The following CNTNAP5 variants were observed in gnomAD, a reference collection of about 807,000 sequenced individuals.
CNTNAP5 encodes contactin-associated protein-like 5.
A neutral mutation model predicts 150.2 loss-of-function variants in CNTNAP5; 72 were observed. That is an observed-to-expected ratio of 0.48 (90% CI 0.40 to 0.58). CNTNAP5 has a LOEUF of 0.58. CNTNAP5 is among the 20% of genes least tolerant of loss of function. The probability of loss-of-function intolerance (pLI) is 0.00; values close to 1 mark genes in which losing one functional copy is unlikely to be tolerated. For missense variants in CNTNAP5, 1,636 were observed against 1,626.2 expected (o/e 1.01, Z -0.10); for synonymous variants, 672 against 619.8 (o/e 1.08, Z -1.25).
chr2:124,567,854 T>TAGATAG lies in CNTNAP5; in HGVS notation c.1756+4533_1756+4538dup, dbSNP rs1553480420. 2.8e-3 allele frequency among the ~76,000 whole-genome samples: 331 copies of TAGATAG among 117,068 alleles called. No individual in the cohort carries two copies. The East Asian group carries it at 0.03, about 11-fold the overall frequency. 76.8% of individuals were successfully genotyped at this position (117,068 alleles called of 152,430 possible). ...CATAGATGATAGATAGATAGATAGATAGATAGATAGATAGATAGATAGATA... is the reference window on the plus strand; with the variant it reads ...CATAGATGATAGATAGATAGATAGATAGATAGAGATAGATAGATAGATAGATAGATA... On this transcript the variant is annotated intron_variant, in intron 11 of 23. Coordinates refer to ENST00000682447, the MANE Select transcript of CNTNAP5 (RefSeq NM_001367498.1).
chr2:124,475,019 C>T (rs1693606264), intron 7 of CNTNAP5, 137 bp downstream of exon 7: 2 of 643,634 alleles, frequency 3.1e-6, no homozygotes, highest in African/African-American at 1.9e-5. Context: ...TGACGTGACA[C>T]TGGAGAGAAA....
intron 1 of CNTNAP5, among the ~76,000 whole-genome samples, chr2:124,142,816 A>T (rs1684150772): frequency 6.6e-6 from 1 of 150,796 alleles, no homozygotes; most frequent in South Asian, 2.1e-4. Context: ...AAATAGAGAC[A>T]CAAAAAACCC....
intron 3 of CNTNAP5, among the ~76,000 whole-genome samples, chr2:124,304,626 T>C (rs1328021865): frequency 6.6e-6 from 1 of 152,128 alleles, no homozygotes; most frequent in Non-Finnish European, 1.5e-5. Flanking sequence ...GGCTACAATG[T>C]TGAGAGTCAA....
chr2:124,061,991 T>C (rs1362088661), intron 1 of CNTNAP5, among the ~76,000 whole-genome samples: 1 of 152,166 alleles, frequency 6.6e-6, no homozygotes, highest in Admixed American at 6.6e-5. Context: ...TTCTACACGC[T>C]GCTGGATATT....
intron 17 of CNTNAP5, among the ~76,000 whole-genome samples, chr2:124,785,985 C>T (rs564865524): frequency 6.6e-6 from 1 of 152,232 alleles, no homozygotes; most frequent in African/African-American, 2.4e-5. Flanking sequence ...CCTGTAATCC[C>T]AGCACTTGGA....
chr2:124,405,717 T>A lies in CNTNAP5; in HGVS notation c.382-11726T>A, dbSNP rs1185039421. 2.6e-5 allele frequency among the ~76,000 whole-genome samples: 4 copies of A among 152,326 alleles called. No homozygotes were observed. In the East Asian group the frequency reaches 7.7e-4, roughly 29 times the overall value. ...CTGTCAAGAAAAGTACTGATCTGGT[T>A]TCCATCCTCAGAGCTTAGGTCTGCC... is the stretch of plus-strand genomic sequence containing the variant. On this transcript the variant is annotated intron_variant, in intron 3 of 23. Coordinates refer to ENST00000682447, the MANE Select transcript of CNTNAP5 (RefSeq NM_001367498.1).
At chr2:124,439,917 A>G (rs762289670) in intron 5 of CNTNAP5, among the ~76,000 whole-genome samples, 2 of 152,240 alleles carry the variant, frequency 1.3e-5, no homozygotes, top group African/African-American at 2.4e-5. Context: ...AATGCCCTCC[A>G]TTCCTACTAA....
intron 1 of CNTNAP5, among the ~76,000 whole-genome samples, chr2:124,061,551 A>G (rs948232150): frequency 2.0e-4 from 31 of 152,190 alleles, no homozygotes; most frequent in African/African-American, 7.0e-4. Context: ...TGGGGAGGAC[A>G]TTCTAGTAGG....
chr2:124,498,755 C>T (rs1694207499), intron 7 of CNTNAP5, among the ~76,000 whole-genome samples: 1 of 152,200 alleles, frequency 6.6e-6, no homozygotes, highest in Non-Finnish European at 1.5e-5. Context: ...TTAGAGCCTG[C>T]ATCATTCAAA....
chr2:124,917,079 G>C lies in CNTNAP5; in HGVS notation c.*2791G>C, dbSNP rs748393071. Among the ~76,000 whole-genome samples, 1 of 151,910 alleles carries C rather than the reference G, an allele frequency of 6.6e-6. No homozygotes were observed. The highest frequency in any genetic ancestry group is 6.6e-5 in the Admixed American group (1 of 15,236). On this transcript the variant is annotated 3_prime_UTR_variant, in exon 24 of 24. Coordinates refer to ENST00000682447, the MANE Select transcript of CNTNAP5 (RefSeq NM_001367498.1). The stretch of plus-strand genomic sequence containing the variant: ...TTAATCCTTCTGCAATTATCATCTC[G>C]AAGGAGACTTTGAAAGCATCTTAAT...
At chr2:124,692,547 T>G (rs960797470) in intron 13 of CNTNAP5, among the ~76,000 whole-genome samples, 4 of 152,092 alleles carry the variant, frequency 2.6e-5, no homozygotes, top group African/African-American at 9.7e-5. Context: ...CCATGGAGGT[T>G]GGAAGGGGGA....
intron 11 of CNTNAP5, among the ~76,000 whole-genome samples, chr2:124,601,520 C>G (rs1467562240): frequency 6.6e-6 from 1 of 152,124 alleles, no homozygotes; most frequent in Non-Finnish European, 1.5e-5. Context: ...AAACAAAACA[C>G]ACAACAATTA....
At chr2:124,408,126 G>A (rs889576819) in intron 3 of CNTNAP5, among the ~76,000 whole-genome samples, 1 of 152,328 alleles carries the variant, frequency 6.6e-6, no homozygotes, top group African/African-American at 2.4e-5. Context: ...GGTGACGGAA[G>A]GCACCTGGAA....
chr2:124,315,938 C>G (rs547821778), intron 3 of CNTNAP5, among the ~76,000 whole-genome samples: 10 of 152,290 alleles, frequency 6.6e-5, no homozygotes, highest in African/African-American at 2.2e-4. Flanking sequence ...GGCTCTCCTT[C>G]CTACCTGCTG....
chr2:124,522,155 C>T (rs1694860019), intron 8 of CNTNAP5, among the ~76,000 whole-genome samples: 1 of 152,188 alleles, frequency 6.6e-6, no homozygotes, highest in African/African-American at 2.4e-5. Flanking sequence ...GCCTCTCCAG[C>T]CAACTGGGAG....
At chr2:124,549,949 C>T (rs1028471423) in intron 10 of CNTNAP5, among the ~76,000 whole-genome samples, 1 of 152,206 alleles carries the variant, frequency 6.6e-6, no homozygotes, top group African/African-American at 2.4e-5. Flanking sequence ...CAGCGGTGCC[C>T]TCTCTGTATC....
At chr2:124,216,643 G>T (rs1284760789) in intron 1 of CNTNAP5, among the ~76,000 whole-genome samples, 1 of 152,066 alleles carries the variant, frequency 6.6e-6, no homozygotes, top group Non-Finnish European at 1.5e-5. Context: ...TGCGGTGTTT[G>T]GTTTTTTGTC....
chr2:124,395,788 C>A (rs559334674), intron 3 of CNTNAP5, among the ~76,000 whole-genome samples: 1 of 152,156 alleles, frequency 6.6e-6, no homozygotes, highest in Non-Finnish European at 1.5e-5. Flanking sequence ...TACACACACA[C>A]GTGCACGCAC....
intron 12 of CNTNAP5, among the ~76,000 whole-genome samples, chr2:124,612,851 G>A (rs1349675025): frequency 1.3e-5 from 2 of 152,040 alleles, no homozygotes; most frequent in African/African-American, 4.8e-5. Flanking sequence ...TCAGGAGTTC[G>A]AGACCAGCCT....
Sources: allele counts gnomAD v4.1 joint callset (sites outside exome capture counted in the v4.1 genomes callset), GRCh38; gene constraint gnomAD v4.1.1; transcripts MANE v1.5; gene names NCBI Gene and HGNC (gene_info 2026-07-23, HGNC 2026-07-21).